Variants in GPSM2 observed in about 807,000 individuals in gnomAD.
GPSM2 encodes G protein signaling modulator 2.
A neutral mutation model predicts 78.4 loss-of-function variants in GPSM2; 58 were observed. That is an observed-to-expected ratio of 0.74 (90% CI 0.60 to 0.92). GPSM2 has a LOEUF of 0.92. GPSM2 is among the 40% of genes least tolerant of loss of function. The pLI is 0.00. For synonymous variants in GPSM2, 224 were observed against 280.2 expected (o/e 0.80, Z 2.00); for missense variants, 700 against 815.5 (o/e 0.86, Z 1.73).
chr1:108,922,448 G>C lies in GPSM2; in HGVS notation c.1472G>C (p.Gly491Ala), dbSNP rs147906282. ...AGTGCAGATACTATTGGAGATGAAG[G>C]GTTCTTTGACTTATTAAGCCGATTT... ...KISADTIGDEGFFDLLSRFQS... is the reference protein window; with the variant it reads ...KISADTIGDEAFFDLLSRFQS... The change falls in exon 13 of 15, where the codon GGG becomes GCG. Residue 491 changes from glycine (G) to alanine (A), a missense_variant. By Grantham distance (60) the Gly-to-Ala change is moderately conservative (BLOSUM62 0). Transcript: ENST00000264126. The C allele has an allele frequency of 3.0e-4, 487 of 1,612,038 alleles. 2 individuals are homozygous for C. The highest frequency in any genetic ancestry group is 6.9e-4 in the East Asian group (31 of 44,798).
At chr1:108,895,393 T>TTAA (rs1648274769) in intron 2 of GPSM2, among the ~76,000 whole-genome samples, 1 of 151,740 alleles carries the variant, frequency 6.6e-6, no homozygotes, top group Non-Finnish European at 1.5e-5. Context: ...CTTTTAGATT[T>TTAA]TAATAATTTC....
intron 2 of GPSM2, among the ~76,000 whole-genome samples, chr1:108,893,148 A>G (rs954399970): frequency 3.9e-5 from 6 of 152,266 alleles, no homozygotes; most frequent in Non-Finnish European, 8.8e-5. Context: ...TGGTTCCAGT[A>G]AAATGTTCTG....
chr1:108,882,014 C>T (rs531893408), intron 1 of GPSM2, among the ~76,000 whole-genome samples: 1 of 152,194 alleles, frequency 6.6e-6, no homozygotes, highest in South Asian at 2.1e-4. Flanking sequence ...TGCAGTGGTG[C>T]AATCATCGAT....
At position 108,924,209 on chromosome 1, in the gene GPSM2, T is replaced by C; in HGVS notation, c.1810T>C (p.Cys604Arg). The C allele has an allele frequency of 1.3e-6, 2 of 1,597,174 alleles. No homozygotes were observed. The highest frequency in any genetic ancestry group is 2.2e-5 in the South Asian group (2 of 90,732). The change falls in exon 14 of 15, where the codon TGT becomes CGT. Residue 604 changes from cysteine to arginine, a missense_variant. Cys to Arg is a radical substitution (Grantham distance 180). Coordinates refer to ENST00000264126, the MANE Select transcript of GPSM2 (RefSeq NM_013296.5). Reference sequence around the variant, plus strand: ...AGATTTCTTTGACATCCTTGTAAAATGTCAAGTATGTCTGTATATTTTTTT... The same window carrying C: ...AGATTTCTTTGACATCCTTGTAAAACGTCAAGTATGTCTGTATATTTTTTT... ...DEDFFDILVKCQGSRLDDQRC... is the reference protein window; with the variant it reads ...DEDFFDILVKRQGSRLDDQRC...
chr1:108,925,014 A>T (rs561774444), intron 14 of GPSM2, among the ~76,000 whole-genome samples: 4 of 152,328 alleles, frequency 2.6e-5, no homozygotes, highest in East Asian at 3.9e-4. Context: ...TAACAGTGAG[A>T]AGTAGTTAGC....
chr1:108,887,141 G>A (rs1647621909), intron 2 of GPSM2, among the ~76,000 whole-genome samples: 1 of 152,276 alleles, frequency 6.6e-6, no homozygotes, highest in Middle Eastern at 3.4e-3. Flanking sequence ...GCCCGCCTTG[G>A]CCTCCCAAAG....
intron 14 of GPSM2, among the ~76,000 whole-genome samples, chr1:108,924,760 G>C (rs1651000179): frequency 6.6e-6 from 1 of 152,124 alleles, no homozygotes; most frequent in Admixed American, 6.5e-5. Context: ...GGGATGAGTA[G>C]GGGAAGGGAA....
rs1230215742 is a variant in GPSM2 at position 108,924,117 on chromosome 1, G to A, written c.1718G>A (p.Arg573His). The change falls in exon 14 of 15, where the codon CGT becomes CAT. Residue 573 changes from arginine to histidine, a missense_variant. Physicochemically the swap from Arg to His is conservative, Grantham distance 29. Transcript: ENST00000264126. ...AGTTTCAGTAATTTGCCAGGGCTTC[G>A]TCTAACACAAAACAGCCAGTCGGTA... ...RASFSNLPGL[R>H]LTQNSQSVLS... The A allele has an allele frequency of 6.8e-6, 11 of 1,613,606 alleles. No homozygotes were observed. The highest frequency in any genetic ancestry group is 4.5e-5 in the East Asian group (2 of 44,896).
chr1:108,903,761 G>A (rs761790124), intron 9 of GPSM2, among the ~76,000 whole-genome samples: 56 of 152,042 alleles, frequency 3.7e-4, no homozygotes, highest in Non-Finnish European at 4.7e-4. Context: ...TATACTATGG[G>A]AATAAAATAT....
intron 12 of GPSM2, among the ~76,000 whole-genome samples, chr1:108,919,206 C>T (rs896500964): frequency 1.4e-4 from 21 of 152,102 alleles, no homozygotes; most frequent in African/African-American, 5.1e-4. Context: ...CGGGGTTTCA[C>T]CACGTTGGCC....
intron 9 of GPSM2, 79 bp from the exon 10 acceptor site, chr1:108,904,046 G>A: frequency 1.1e-6 from 1 of 929,084 alleles, no homozygotes; most frequent in South Asian, 1.4e-5. Context: ...TCTAGTTTTA[G>A]GTTCACTACA....
intron 10 of GPSM2, among the ~76,000 whole-genome samples, chr1:108,906,919 G>T (rs141489949): frequency 5.0e-4 from 76 of 152,278 alleles, no homozygotes; most frequent in African/African-American, 1.7e-3. Flanking sequence ...CTTTCAAAGT[G>T]CTGGGATTAC....
At chr1:108,924,462 G>A in intron 14 of GPSM2, 1 of 537,414 alleles carries the variant, frequency 1.9e-6, no homozygotes, top group South Asian at 2.0e-5. Context: ...TATATAGAGA[G>A]AGAGTATATG....
intron 11 of GPSM2, among the ~76,000 whole-genome samples, chr1:108,917,799 C>A (rs1650388480): frequency 6.6e-6 from 1 of 150,518 alleles, no homozygotes; most frequent in South Asian, 2.1e-4. Flanking sequence ...ATGTCTCACT[C>A]CCCTGTACAT....
At chr1:108,920,051 C>T (rs961809003) in intron 12 of GPSM2, among the ~76,000 whole-genome samples, 12 of 151,976 alleles carry the variant, frequency 7.9e-5, no homozygotes, top group African/African-American at 2.9e-4. Context: ...CCTGTGGTCC[C>T]AGCTACTCAG....
intron 14 of GPSM2, chr1:108,924,467 T>C: frequency 2.0e-6 from 1 of 508,490 alleles, no homozygotes; most frequent in Middle Eastern, 5.7e-4. Flanking sequence ...AGAGAGAGAG[T>C]ATATGTGTGT....
chr1:108,897,128 G>C (rs749011754), intron 3 of GPSM2, 43 bp downstream of exon 3: 3 of 1,340,854 alleles, frequency 2.2e-6, no homozygotes, highest in Non-Finnish European at 3.2e-6. Flanking sequence ...TCTGAAATTA[G>C]CTATTACTTT....
chr1:108,895,958 A>G (rs1204290339), intron 2 of GPSM2, among the ~76,000 whole-genome samples: 2 of 152,204 alleles, frequency 1.3e-5, no homozygotes, highest in African/African-American at 4.8e-5. Flanking sequence ...TTTTAAAATG[A>G]TAAGTTAAAG....
In GPSM2 at chr1:108,898,748, G is replaced by A; in HGVS notation, c.664G>A (p.Val222Ile). The change falls in exon 6 of 15, where the codon GTT (valine) becomes ATT (isoleucine). Residue 222 changes from valine to isoleucine, a missense_variant. Coordinates refer to ENST00000264126, the MANE Select transcript of GPSM2 (RefSeq NM_013296.5). ...HYLLGNFRDA[V>I]IAHEQRLLIA... ...CCTCCTTGGCAACTTCAGGGATGCA[G>A]TTATAGCTCATGAGCAGGTACAGTG... 6.2e-7 allele frequency: 1 copy of A among 1,614,072 alleles called. No individual in the cohort carries two copies. The highest frequency in any genetic ancestry group is 8.5e-7 in the Non-Finnish European group (1 of 1,179,948).
Sources: gnomAD v4.1 joint callset for allele counts (sites outside exome capture counted in the v4.1 genomes callset) on GRCh38, gnomAD v4.1.1 for gene constraint, MANE v1.5 for transcripts, NCBI Gene and HGNC (gene_info 2026-07-23, HGNC 2026-07-21) for gene names.